Variants in MMP16 observed in about 807,000 individuals in gnomAD.
The protein encoded by MMP16 is matrix metallopeptidase 16, also known as matrix metalloproteinase-16.
A neutral mutation model predicts 67.8 loss-of-function variants in MMP16; 12 were observed. The observed-to-expected ratio is 0.18, with a 90% CI of 0.11 to 0.29. The LOEUF (loss-of-function observed/expected upper bound fraction) is 0.29. Ranked by LOEUF, MMP16 falls within the 10% of genes least tolerant of loss-of-function variation. MMP16 has a pLI of 1.00. For missense variants in MMP16, 475 were observed against 765.7 expected (o/e 0.62, Z 4.48); for synonymous variants, 249 against 255.9 (o/e 0.97, Z 0.26).
intron 1 of MMP16, among the ~76,000 whole-genome samples, chr8:88,279,343 T>C (rs1301967073): frequency 1.3e-5 from 2 of 152,166 alleles, no homozygotes; most frequent in African/African-American, 4.8e-5. Flanking sequence ...TTATTGATAA[T>C]AATATGTTCC....
intron 7 of MMP16, 62 bp downstream of exon 7, chr8:88,074,543 C>T: frequency 6.6e-7 from 1 of 1,518,170 alleles, no homozygotes; most frequent in Admixed American, 1.9e-5. Context: ...TTTGTGTGCA[C>T]CACAGGGTCC....
At chr8:88,260,848 A>AC (rs1475945247) in intron 1 of MMP16, among the ~76,000 whole-genome samples, 1 of 152,152 alleles carries the variant, frequency 6.6e-6, no homozygotes, top group Non-Finnish European at 1.5e-5. Context: ...ACCATTGACC[A>AC]CCAGACTTCA....
At chr8:88,099,055 T>C (rs1809085289) in intron 6 of MMP16, among the ~76,000 whole-genome samples, 1 of 151,788 alleles carries the variant, frequency 6.6e-6, no homozygotes, top group South Asian at 2.1e-4. Flanking sequence ...GATATATGTA[T>C]AAGGAATTAT....
chr8:88,104,915 T>A (rs1284268386), intron 6 of MMP16, among the ~76,000 whole-genome samples: 1 of 151,456 alleles, frequency 6.6e-6, no homozygotes, highest in African/African-American at 2.4e-5. Flanking sequence ...AAAAAGCTTA[T>A]AGAAGTAAAG....
intron 6 of MMP16, among the ~76,000 whole-genome samples, chr8:88,104,224 CT>C (rs1470893476): frequency 2.6e-5 from 4 of 151,652 alleles, no homozygotes; most frequent in African/African-American, 9.7e-5. Context: ...ATTTGTCTAT[CT>C]TTTCTATGCC....
Position 88,056,033 on chromosome 8 carries a change from A to T in MMP16, c.1373+95T>A, listed in dbSNP as rs1000575787. 1.5e-5 allele frequency: 14 copies of T among 959,422 alleles called. No homozygotes were observed. In the African/African-American group the frequency reaches 2.4e-4, roughly 16 times the overall value. 59.4% of individuals were successfully genotyped at this position (959,422 alleles called of 1,614,324 possible). On this transcript the variant is annotated intron_variant, in intron 8 of 9. Coordinates refer to ENST00000286614, the MANE Select transcript of MMP16 (RefSeq NM_005941.5). ...TAACTCCTGTGTTAAATCCACCAGG[A>T]TTCTTCAACAGCTGATGCCTCTGAT...
At chr8:88,200,049 C>T (rs1350863407) in intron 1 of MMP16, among the ~76,000 whole-genome samples, 1 of 151,944 alleles carries the variant, frequency 6.6e-6, no homozygotes, top group African/African-American at 2.4e-5. Context: ...GTAAGTCATA[C>T]TATTATTTTA....
chr8:88,213,630 C>A (rs1436482910), intron 1 of MMP16, among the ~76,000 whole-genome samples: 1 of 152,046 alleles, frequency 6.6e-6, no homozygotes, highest in Non-Finnish European at 1.5e-5. Context: ...AGTCATAAGA[C>A]TGATTTACAA....
chr8:88,042,864 T>C (rs1808150817), intron 9 of MMP16, among the ~76,000 whole-genome samples: 1 of 152,248 alleles, frequency 6.6e-6, no homozygotes. Context: ...AGCTCATTCA[T>C]GTCAAGTTTC....
rs1354310720 is a variant in MMP16, at chr8:88,206,748, CT to C, written c.133-9443del. On this transcript the variant is annotated intron_variant, in intron 1 of 9. Coordinates refer to ENST00000286614, the MANE Select transcript of MMP16 (RefSeq NM_005941.5). ...GATGGTTTTTGTGACCAGAAATATG[CT>C]GTAGGAACTTAACTCTTACTTGTAT... is the stretch of plus-strand genomic sequence containing the variant. Among the ~76,000 whole-genome samples, 49 of 152,250 alleles carry C rather than the reference CT, an allele frequency of 3.2e-4. 2 individuals carry two copies. Among genetic ancestry groups the C allele is most frequent in the Admixed American group, 3.1e-3 (47 of 15,292 alleles).
At chr8:88,224,309 T>A (rs1375276474) in intron 1 of MMP16, among the ~76,000 whole-genome samples, 2 of 152,034 alleles carry the variant, frequency 1.3e-5, no homozygotes, top group Non-Finnish European at 2.9e-5. Context: ...CCATATGATA[T>A]GAATCACATA....
At chr8:88,132,190 AT>A (rs1390163704) in intron 4 of MMP16, among the ~76,000 whole-genome samples, 1 of 151,940 alleles carries the variant, frequency 6.6e-6, no homozygotes, top group Non-Finnish European at 1.5e-5. Context: ...AGTAAAAAAA[AT>A]AAAGATTGTG....
At chr8:88,168,001 T>C (rs749744539) in intron 3 of MMP16, 28 bp from the exon 4 acceptor site, 4 of 1,533,210 alleles carry the variant, frequency 2.6e-6, no homozygotes, top group Admixed American at 1.9e-5. Context: ...TAATCATCAG[T>C]ATTGTTATGT....
chr8:88,321,960 C>T (rs1174432572), intron 1 of MMP16, among the ~76,000 whole-genome samples: 3 of 152,096 alleles, frequency 2.0e-5, no homozygotes, highest in Admixed American at 6.6e-5. Flanking sequence ...TATATGGACA[C>T]GATATGTTTT....
At chr8:88,205,635 T>C (rs1365385515) in intron 1 of MMP16, among the ~76,000 whole-genome samples, 3 of 152,208 alleles carry the variant, frequency 2.0e-5, no homozygotes, top group South Asian at 4.1e-4. Flanking sequence ...AAAAAACCAC[T>C]GAAACCTTCT....
At chr8:88,274,627 C>T (rs1185064475) in intron 1 of MMP16, among the ~76,000 whole-genome samples, 1 of 151,922 alleles carries the variant, frequency 6.6e-6, no homozygotes, top group Non-Finnish European at 1.5e-5. Context: ...AAAAGAGATT[C>T]CAACAAATGC....
intron 1 of MMP16, among the ~76,000 whole-genome samples, chr8:88,235,279 C>T (rs1370931278): frequency 7.9e-5 from 12 of 151,348 alleles, no homozygotes; most frequent in Admixed American, 7.9e-4. Context: ...GTAATCTCAG[C>T]TACTTGGGAG....
At chr8:88,070,433 C>T (rs1348976438) in intron 7 of MMP16, among the ~76,000 whole-genome samples, 6 of 152,126 alleles carry the variant, frequency 3.9e-5, no homozygotes, top group Non-Finnish European at 8.8e-5. Flanking sequence ...GGTACTATGG[C>T]CCTCCGTGAG....
intron 4 of MMP16, among the ~76,000 whole-genome samples, chr8:88,126,386 T>C (rs908664055): frequency 6.6e-6 from 1 of 151,890 alleles, no homozygotes. Context: ...TAGCAAAGTA[T>C]TGAAAGTGAT....
Sources: allele counts gnomAD v4.1 joint callset (sites outside exome capture counted in the v4.1 genomes callset), GRCh38; gene constraint gnomAD v4.1.1; transcripts MANE v1.5; gene names NCBI Gene and HGNC (gene_info 2026-07-23, HGNC 2026-07-21).